Variants in CFAP54 observed in about 807,000 individuals in gnomAD.
CFAP54 encodes the protein cilia and flagella associated protein 54, also known as cilia- and flagella-associated protein 54.
In CFAP54, 290 loss-of-function variants were observed where a neutral mutation model predicts 370.4. That is an observed-to-expected ratio of 0.78 (90% CI 0.71 to 0.86). CFAP54 has a LOEUF of 0.86. Among genes scored for constraint, CFAP54 ranks in the 40% least tolerant of loss-of-function variants. CFAP54 has a pLI of 0.00. For synonymous variants in CFAP54, 1,206 were observed against 1,236.5 expected, an observed-to-expected ratio of 0.98 and a Z score of 0.52; for missense variants, 3,399 against 3,528.7, an observed-to-expected ratio of 0.96 and a Z score of 0.93.
chr12:96,549,262 A>G (rs1268824644), intron 15 of CFAP54, among the ~76,000 whole-genome samples: 1 of 152,212 alleles, frequency 6.6e-6, no homozygotes, highest in Non-Finnish European at 1.5e-5. Flanking sequence ...ACCTATAGGT[A>G]CAAAGTGCTA....
intron 1 of CFAP54, among the ~76,000 whole-genome samples, chr12:96,499,947 A>AAAAACAAAACAAAAC (rs147160957): frequency 0.018 from 2,652 of 148,780 alleles, 41 homozygotes; most frequent in Non-Finnish European, 0.028. Context: ...ACTCCATCTC[A>AAAAACAAAACAAAAC]AAAACAAAAC....
At chr12:96,577,108 G>C (rs573002076) in intron 20 of CFAP54, among the ~76,000 whole-genome samples, 2 of 152,284 alleles carry the variant, frequency 1.3e-5, no homozygotes, top group African/African-American at 4.8e-5. Context: ...AGTGGAATCA[G>C]ACATTTGAAG....
At chr12:96,653,580 AAC>A (rs1309445696) in intron 36 of CFAP54, among the ~76,000 whole-genome samples, 1 of 152,192 alleles carries the variant, frequency 6.6e-6, no homozygotes, top group Non-Finnish European at 1.5e-5. Context: ...AACTAATAAT[AAC>A]ACATCAAAAT....
intron 5 of CFAP54, among the ~76,000 whole-genome samples, chr12:96,513,813 A>G (rs1342974843): frequency 6.6e-6 from 1 of 152,162 alleles, no homozygotes; most frequent in African/African-American, 2.4e-5. Context: ...TACCCCCTTT[A>G]TGTCATGATA....
At chr12:96,793,945 A>G (rs942771310) in intron 63 of CFAP54, among the ~76,000 whole-genome samples, 4 of 152,052 alleles carry the variant, frequency 2.6e-5, no homozygotes, top group African/African-American at 7.2e-5. Context: ...TTCCTTGTAG[A>G]TTCAGCATTT....
Position 96,756,532 on chromosome 12 carries a change from C to G in CFAP54, c.7915C>G (p.Gln2639Glu), listed in dbSNP as rs1389185574. The G allele has an allele frequency of 6.2e-7, 1 of 1,604,902 alleles. No homozygotes were observed. Among genetic ancestry groups the G allele is most frequent in the Middle Eastern group, 1.7e-4 (1 of 6,038 alleles). Reference protein sequence around the residue: ...FQLESLYEAIQLSLKNDQNSG... With the variant: ...FQLESLYEAIELSLKNDQNSG... ...ACTTGAGAGTTTATATGAAGCTATACAACTAAGCCTGAAAAATGATCAAAA... is the reference window on the plus strand; with the variant it reads ...ACTTGAGAGTTTATATGAAGCTATAGAACTAAGCCTGAAAAATGATCAAAA... The change falls in exon 57 of 68, where the codon CAA (glutamine) becomes GAA (glutamate). Residue 2639 changes from glutamine (Q) to glutamate (E), a missense_variant. Gln to Glu is a conservative substitution (Grantham distance 29). Around this residue, in one of 3 missense-constraint regions of CFAP54, gnomAD observed 2,796 missense variants for 2,869.7 expected, o/e 0.97. Transcript: ENST00000524981.
chr12:96,855,172 G>T (rs1164019603), intron 66 of CFAP54, among the ~76,000 whole-genome samples: 2 of 152,084 alleles, frequency 1.3e-5, no homozygotes, highest in Non-Finnish European at 2.9e-5. Flanking sequence ...GATGGTAACT[G>T]CCCCCATGAT....
intron 66 of CFAP54, among the ~76,000 whole-genome samples, chr12:96,836,323 G>A (rs1959186110): frequency 6.6e-6 from 1 of 152,156 alleles, no homozygotes; most frequent in South Asian, 2.1e-4. Context: ...GAAAACATAA[G>A]GATTGAGGGC....
chr12:96,564,220 G>A (rs1955841772), intron 17 of CFAP54, among the ~76,000 whole-genome samples: 1 of 152,278 alleles, frequency 6.6e-6, no homozygotes, highest in Admixed American at 6.5e-5. Context: ...CTTTATTCAA[G>A]ATGAGATAGA....
chr12:96,500,093 A>T (rs762268443), intron 1 of CFAP54, among the ~76,000 whole-genome samples: 7 of 152,260 alleles, frequency 4.6e-5, no homozygotes, highest in Non-Finnish European at 1.0e-4. Flanking sequence ...ACTGTAATGC[A>T]TCCAGACAAT....
chr12:96,725,790 C>T (rs1264872532), intron 50 of CFAP54, among the ~76,000 whole-genome samples: 1 of 152,072 alleles, frequency 6.6e-6, no homozygotes, highest in Non-Finnish European at 1.5e-5. Flanking sequence ...TTTGCCCATT[C>T]AGTATGATAT....
chr12:96,763,028 G>T (rs1449451348), intron 58 of CFAP54, among the ~76,000 whole-genome samples: 1 of 152,074 alleles, frequency 6.6e-6, no homozygotes, highest in Non-Finnish European at 1.5e-5. Flanking sequence ...GAAAATTAAA[G>T]AATTGGTCAA....
At chr12:96,794,208 A>C (rs942553141) in intron 63 of CFAP54, among the ~76,000 whole-genome samples, 5 of 152,172 alleles carry the variant, frequency 3.3e-5, no homozygotes, top group Admixed American at 2.0e-4. Flanking sequence ...CCTGATGACT[A>C]TGTGCTTAGA....
intron 50 of CFAP54, among the ~76,000 whole-genome samples, chr12:96,726,158 C>T (rs1453768281): frequency 7.4e-3 from 951 of 128,682 alleles, no homozygotes; most frequent in African/African-American, 0.01. Context: ...GTGTCTCTGC[C>T]CGGCTTTGGT....
At chr12:96,526,671 A>G (rs1955385032) in intron 8 of CFAP54, among the ~76,000 whole-genome samples, 1 of 152,136 alleles carries the variant, frequency 6.6e-6, no homozygotes, top group African/African-American at 2.4e-5. Flanking sequence ...CTTGCTTAAT[A>G]AGCAAACCAT....
Position 96,860,942 on chromosome 12 carries a change from T to A in CFAP54, c.*4T>A. The A allele has an allele frequency of 6.5e-7, 1 of 1,530,178 alleles. No homozygotes were observed. Among genetic ancestry groups the A allele is most frequent in the Non-Finnish European group, 8.7e-7 (1 of 1,144,702 alleles). The allele number at this position is 1,530,178 out of a possible 1,614,324, so 94.8% of individuals were successfully genotyped here. A position where few individuals can be genotyped will look rare whatever the true frequency, so the allele number is the denominator to read the frequency against. Reference sequence around the variant, plus strand: ...GATAGTGTCAATTATTCCCTGAATATCCTATACACGGTAACCTTATACAGG... The same window carrying A: ...GATAGTGTCAATTATTCCCTGAATAACCTATACACGGTAACCTTATACAGG... On this transcript the variant is annotated 3_prime_UTR_variant, in exon 67 of 68. Transcript: ENST00000524981.
chr12:96,702,847 C>T (rs1260678766), intron 46 of CFAP54, among the ~76,000 whole-genome samples: 1 of 152,158 alleles, frequency 6.6e-6, no homozygotes, highest in Non-Finnish European at 1.5e-5. Context: ...TTAAGTTTCA[C>T]TTGTAAAAGA....
At chr12:96,739,827 G>T in intron 50 of CFAP54, 129 bp from the exon 51 acceptor site, 2 of 575,426 alleles carry the variant, frequency 3.5e-6, no homozygotes, top group East Asian at 5.9e-5. Context: ...TGCAGAAATG[G>T]CACCTAACAG....
Position 96,704,783 on chromosome 12 carries a change from A to G in CFAP54, c.6515A>G (p.Lys2172Arg), listed in dbSNP as rs375204519. ...GACTCAGGAAAACTTCTTACCAGTA[A>G]AGAAAATATACAGGTAAGGATAATA... Reference protein sequence around the residue: ...SFDSGKLLTSKENIQAIDELR... With the variant: ...SFDSGKLLTSRENIQAIDELR... Residue 2172 changes from lysine (K) to arginine (R), a missense_variant, in exon 47 of 68, where the codon AAA becomes AGA. Physicochemically the swap from Lys to Arg is conservative, Grantham distance 26. Around this residue, in one of 3 missense-constraint regions of CFAP54, gnomAD observed 2,796 missense variants for 2,869.7 expected, o/e 0.97. Coordinates refer to ENST00000524981, the MANE Select transcript of CFAP54 (RefSeq NM_001306084.2). 104 of 1,158,152 alleles carry G rather than the reference A, an allele frequency of 9.0e-5. No individual in the cohort carries two copies. The highest frequency in any genetic ancestry group is 1.1e-4 in the Non-Finnish European group (88 of 827,588). 71.7% of individuals were successfully genotyped at this position (1,158,152 alleles called of 1,614,324 possible).
Sources: gnomAD v4.1 joint callset for allele counts (sites outside exome capture counted in the v4.1 genomes callset) on GRCh38, gnomAD v4.1.1 for gene constraint, gnomAD v4.1.1 regional missense constraint, MANE v1.5 for transcripts, NCBI Gene and HGNC (gene_info 2026-07-23, HGNC 2026-07-21) for gene names.